Variants in MAP4K5 observed in about 807,000 individuals in gnomAD.
MAP4K5 encodes MAPK/ERK kinase kinase kinase 5.
Under a neutral mutation model 135.6 loss-of-function variants are expected in MAP4K5, and 82 were observed. The ratio of observed to expected loss-of-function variants is 0.60; its 90% CI spans 0.51 to 0.73. The LOEUF (loss-of-function observed/expected upper bound fraction) is 0.73. MAP4K5 is among the 30% of genes least tolerant of loss of function. The pLI is 0.00. For synonymous variants in MAP4K5, 347 were observed against 335.0 expected (o/e 1.04, Z -0.39); for missense variants, 907 against 1,010.9 (o/e 0.90, Z 1.39).
chr14:50,485,743 T>C, intron 4 of MAP4K5, 101 bp from the exon 5 acceptor site: 2 of 688,376 alleles, frequency 2.9e-6, no homozygotes, highest in East Asian at 2.8e-5. Flanking sequence ...CAGAATGGAC[T>C]GTGAAGTGCA....
At chr14:50,485,913 C>T (rs2037352874) in intron 4 of MAP4K5, 191 bp downstream of exon 4, 1 of 537,856 alleles carries the variant, frequency 1.9e-6, no homozygotes, top group Non-Finnish European at 3.3e-6. Context: ...TGAGGTACAA[C>T]TATAAAAATG....
chr14:50,476,162 A>C lies in MAP4K5; in HGVS notation c.435T>G (p.Asn145Lys). Residue 145 changes from asparagine to lysine, a missense_variant, in exon 8 of 33, where the codon AAT (asparagine) becomes AAG (lysine). By Grantham distance (94) the Asn-to-Lys change is moderately conservative. Around this residue, in one of 3 missense-constraint regions of MAP4K5, gnomAD observed 196 missense variants for 189.3 expected, o/e 1.04. Coordinates refer to ENST00000682126, the MANE Select transcript of MAP4K5 (RefSeq NM_006575.6). ...CATCGCCATGGTCTGTCAATAAAATATTAGCACCCTAGAACAAAAATACAA... is the reference window on the plus strand; with the variant it reads ...CATCGCCATGGTCTGTCAATAAAATCTTAGCACCCTAGAACAAAAATACAA... ...GKMHRDIKGA[N>K]ILLTDHGDVK... is the part of the protein sequence containing the mutation. 1 of 1,512,886 alleles carries C rather than the reference A, an allele frequency of 6.6e-7. No individual in the cohort carries two copies. The highest frequency in any genetic ancestry group is 8.9e-7 in the Non-Finnish European group (1 of 1,124,080). 93.7% of individuals were successfully genotyped at this position (1,512,886 alleles called of 1,614,324 possible).
chr14:50,488,720 G>C (rs1219947269), intron 3 of MAP4K5, among the ~76,000 whole-genome samples: 1 of 152,216 alleles, frequency 6.6e-6, no homozygotes. Flanking sequence ...GTCTTGGTGA[G>C]AGTGAGTGAC....
At chr14:50,500,620 T>C (rs2037687403) in intron 3 of MAP4K5, among the ~76,000 whole-genome samples, 1 of 152,176 alleles carries the variant, frequency 6.6e-6, no homozygotes, top group Non-Finnish European at 1.5e-5. Context: ...ATATGATTTA[T>C]GTTTTTAAAA....
At chr14:50,453,963 G>A (rs2036546519) in intron 14 of MAP4K5, among the ~76,000 whole-genome samples, 1 of 152,050 alleles carries the variant, frequency 6.6e-6, no homozygotes, top group Non-Finnish European at 1.5e-5. Flanking sequence ...AATCATTTAT[G>A]TCCACTAAAA....
At chr14:50,523,721 C>T (rs774665938) in intron 2 of MAP4K5, among the ~76,000 whole-genome samples, 36 of 152,124 alleles carry the variant, frequency 2.4e-4, no homozygotes, top group Non-Finnish European at 8.8e-5. Context: ...TTGTCTCTCT[C>T]CCCCCACTAA....
intron 2 of MAP4K5, among the ~76,000 whole-genome samples, chr14:50,516,941 TA>T (rs1465740311): frequency 6.6e-6 from 1 of 152,260 alleles, no homozygotes; most frequent in Admixed American, 6.5e-5. Flanking sequence ...CAGATAAAAA[TA>T]TAAGTTTGCT....
intron 6 of MAP4K5, among the ~76,000 whole-genome samples, chr14:50,476,593 C>T (rs1029466102): frequency 6.6e-6 from 1 of 152,074 alleles, no homozygotes; most frequent in Non-Finnish European, 1.5e-5. Context: ...CCCAAGTAGC[C>T]GGGATTACAG....
chr14:50,511,270 T>C (rs1021487314), intron 2 of MAP4K5, among the ~76,000 whole-genome samples: 47 of 152,184 alleles, frequency 3.1e-4, no homozygotes, highest in African/African-American at 1.1e-3. Context: ...TTGGATGGAA[T>C]GGAGGATATT....
chr14:50,478,110 T>C (rs4898660), intron 6 of MAP4K5, among the ~76,000 whole-genome samples: 99,043 of 151,962 alleles, frequency 0.65, 32,550 homozygotes, highest in East Asian at 0.76. Context: ...AGAATACATA[T>C]AGGATTATTC....
chr14:50,490,995 G>A (rs1313454066), intron 3 of MAP4K5, among the ~76,000 whole-genome samples: 1 of 152,202 alleles, frequency 6.6e-6, no homozygotes, highest in Non-Finnish European at 1.5e-5. Context: ...ATGAACTGGA[G>A]TAAGTCGGTT....
chr14:50,526,759 ATGGGATC>A (rs1347529850), intron 2 of MAP4K5, among the ~76,000 whole-genome samples: 1 of 152,192 alleles, frequency 6.6e-6, no homozygotes, highest in Non-Finnish European at 1.5e-5. Context: ...TCTCTATAAA[ATGGGATC>A]TTGGGATATG....
intron 2 of MAP4K5, among the ~76,000 whole-genome samples, chr14:50,522,419 T>G (rs1334492715): frequency 6.6e-6 from 1 of 152,192 alleles, no homozygotes; most frequent in Non-Finnish European, 1.5e-5. Context: ...GAACCATATT[T>G]TCTCTTTAGG....
chr14:50,438,083 C>T lies in MAP4K5; in HGVS notation c.1708+9G>A, dbSNP rs907903596. ...AATACAATTTTCGAGAAAAAGAAAA[C>T]GTAATTACCTTCTAAAACGAGAGTC... On this transcript the variant is annotated intron_variant, in intron 24 of 32. Transcript: ENST00000682126. 9.2e-6 allele frequency: 8 copies of T among 870,986 alleles called. No homozygotes were observed. The highest frequency in any genetic ancestry group is 2.4e-5 in the East Asian group (1 of 41,334). 54.0% of individuals were successfully genotyped at this position (870,986 alleles called of 1,614,324 possible).
chr14:50,462,781 G>A lies in MAP4K5; in HGVS notation c.820C>T (p.His274Tyr). ...AGACCTGGCTGTGCAACAAAAGTGTGCTAAAAGACAACAAAATGAAATTTC... is the reference window on the plus strand; with the variant it reads ...AGACCTGGCTGTGCAACAAAAGTGTACTAAAAGACAACAAAATGAAATTTC... ...KRPTAERLLT[H>Y]TFVAQPGLSR... The change falls in exon 13 of 33, where the codon CAC becomes TAC. Residue 274 changes from histidine (H) to tyrosine (Y), a missense_variant and splice_region_variant. This residue lies in a region of MAP4K5 where 690 missense variants were observed against 777.4 expected (regional missense o/e 0.89). Transcript: ENST00000682126. 6.3e-7 allele frequency: 1 copy of A among 1,586,072 alleles called. No individual in the cohort carries two copies.
chr14:50,485,062 A>G (rs2037334404), intron 5 of MAP4K5, among the ~76,000 whole-genome samples: 2 of 152,274 alleles, frequency 1.3e-5, no homozygotes, highest in South Asian at 4.1e-4. Context: ...GTAGAGCCAA[A>G]ACAAAACTTT....
At chr14:50,482,079 C>T (rs1489470954) in intron 6 of MAP4K5, among the ~76,000 whole-genome samples, 1 of 152,204 alleles carries the variant, frequency 6.6e-6, no homozygotes, top group Non-Finnish European at 1.5e-5. Flanking sequence ...GAATACCTCA[C>T]ATGACCATGG....
intron 1 of MAP4K5, among the ~76,000 whole-genome samples, chr14:50,546,608 A>G (rs2038635643): frequency 6.6e-6 from 1 of 152,196 alleles, no homozygotes; most frequent in Non-Finnish European, 1.5e-5. Flanking sequence ...AATTGTCTGC[A>G]TACATTTTTG....
intron 14 of MAP4K5, chr14:50,449,082 G>A (rs2036425439): frequency 2.6e-6 from 1 of 377,786 alleles, no homozygotes; most frequent in Admixed American, 4.8e-5. Context: ...AGTTCTTTTT[G>A]TATAAAAGAG....
Sources: gnomAD v4.1 joint callset for allele counts (sites outside exome capture counted in the v4.1 genomes callset) on GRCh38, gnomAD v4.1.1 for gene constraint, gnomAD v4.1.1 regional missense constraint, MANE v1.5 for transcripts, NCBI Gene and HGNC (gene_info 2026-07-23, HGNC 2026-07-21) for gene names.